AREG: variants seen among roughly 807,000 people sequenced by gnomAD.
The protein encoded by AREG is amphiregulin B.
Under a neutral mutation model 28.0 loss-of-function variants are expected in AREG, and 16 were observed. The observed-to-expected ratio is 0.57, with a 90% CI of 0.39 to 0.87. The LOEUF (loss-of-function observed/expected upper bound fraction) is 0.87. Among genes scored for constraint, AREG ranks in the 40% least tolerant of loss-of-function variants. The pLI, the probability that AREG is intolerant of heterozygous loss-of-function variation, is 0.00. For missense variants in AREG, 287 were observed against 309.1 expected, an observed-to-expected ratio of 0.93 and a Z score of 0.53; for synonymous variants, 113 against 113.5, an observed-to-expected ratio of 1.00 and a Z score of 0.02.
Position 74,446,529 on chromosome 4 carries a change from T to C in AREG, c.62-5T>C. ...TCTTTTCTTCCTTTATTCCCTCCCC[T>C]GCAGGCCATTATGCTGCTGGATTGG... On this transcript the variant is annotated splice_polypyrimidine_tract_variant and splice_region_variant and intron_variant, in intron 1 of 5. Transcript: ENST00000395748. 1 of 1,613,974 alleles carries C rather than the reference T, an allele frequency of 6.2e-7. No homozygotes were observed. The highest frequency in any genetic ancestry group is 8.5e-7 in the Non-Finnish European group (1 of 1,179,858).
At chr4:74,453,294 G>A (rs1719409492) in intron 5 of AREG, among the ~76,000 whole-genome samples, 1 of 152,180 alleles carries the variant, frequency 6.6e-6, no homozygotes, top group Non-Finnish European at 1.5e-5. Context: ...CAGACAATAG[G>A]TTGAATGCTC....
chr4:74,449,024 T>A, intron 2 of AREG, 23 bp from the exon 3 acceptor site: 1 of 1,606,442 alleles, frequency 6.2e-7, no homozygotes, highest in Non-Finnish European at 8.5e-7. Context: ...GAGACTCTTG[T>A]CAATAAATCT....
intron 4 of AREG, among the ~76,000 whole-genome samples, chr4:74,451,026 G>T (rs1249848066): frequency 3.3e-5 from 5 of 152,082 alleles, no homozygotes; most frequent in Non-Finnish European, 7.4e-5. Context: ...TTCTGAGTTA[G>T]GAATATTATA....
chr4:74,451,319 T>C (rs3775493), intron 4 of AREG, among the ~76,000 whole-genome samples: 52,831 of 151,882 alleles, frequency 0.35, 9,956 homozygotes, highest in Non-Finnish European at 0.42. Flanking sequence ...ATAAGGGAAG[T>C]TGGGGGAGGA....
rs373527160 is a variant in AREG at position 74,446,711 on chromosome 4, A to T, written c.239A>T (p.Asp80Val). 3.6e-4 allele frequency: 573 copies of T among 1,613,962 alleles called. 4 individuals carry two copies. In the African/African-American group the frequency reaches 7.0e-3, roughly 20 times the overall value. The stretch of plus-strand genomic sequence containing the variant: ...AGTAGTGAACCGTCCTCGGGAGCCG[A>T]CTATGACTACTCAGAAGAGTATGAT... ...PSSSEPSSGADYDYSEEYDNE... is the reference protein window; with the variant it reads ...PSSSEPSSGAVYDYSEEYDNE... The change falls in exon 2 of 6, where the codon GAC becomes GTC. Residue 80 changes from aspartate (D) to valine (V), a missense_variant. Coordinates refer to ENST00000395748, the MANE Select transcript of AREG (RefSeq NM_001657.4).
intron 1 of AREG, among the ~76,000 whole-genome samples, chr4:74,445,977 A>G (rs1719275676): frequency 6.6e-6 from 1 of 152,254 alleles, no homozygotes; most frequent in Non-Finnish European, 1.5e-5. Flanking sequence ...ATGAAAAATG[A>G]CAATAATAAT....
intron 1 of AREG, among the ~76,000 whole-genome samples, chr4:74,446,105 A>T (rs1719281981): frequency 6.6e-6 from 1 of 152,242 alleles, no homozygotes; most frequent in African/African-American, 2.4e-5. Context: ...ATCTTTTAAA[A>T]ATATGAACAC....
chr4:74,447,699 T>A (rs1174586786), intron 2 of AREG, among the ~76,000 whole-genome samples: 3 of 152,060 alleles, frequency 2.0e-5, no homozygotes, highest in Non-Finnish European at 4.4e-5. Flanking sequence ...CTGACTTGAG[T>A]TTCCCTGGCT....
At chr4:74,454,625 T>C in intron 5 of AREG, 134 bp from the exon 6 acceptor site, 1 of 522,784 alleles carries the variant, frequency 1.9e-6, no homozygotes. Context: ...TCTCAAACGA[T>C]GTACTAGAAA....
chr4:74,452,649 A>G lies in AREG; in HGVS notation c.*12A>G. On this transcript the variant is annotated 3_prime_UTR_variant, in exon 5 of 6. Transcript: ENST00000395748. ...ATGCTATAGCATAACTGAAGATAAA[A>G]TTACAGGTTTGAGTTTTAAAATATA... The G allele has an allele frequency of 3.1e-6, 5 of 1,612,554 alleles. No homozygotes were observed. The highest frequency in any genetic ancestry group is 3.4e-6 in the Non-Finnish European group (4 of 1,179,318).
At chr4:74,446,056 A>G (rs1349350910) in intron 1 of AREG, among the ~76,000 whole-genome samples, 1 of 88,192 alleles carries the variant, frequency 1.1e-5, no homozygotes, top group Non-Finnish European at 2.2e-5. Context: ...TAAAAATATG[A>G]ACACATCTTT....
At chr4:74,449,007 A>G in intron 2 of AREG, 40 bp from the exon 3 acceptor site, 1 of 1,601,036 alleles carries the variant, frequency 6.2e-7, no homozygotes. Flanking sequence ...ATTATATTCA[A>G]GTTTGAGAGA....
At chr4:74,445,503 T>G (rs560601467) in intron 1 of AREG, 97 bp downstream of exon 1, 18,569 of 1,542,996 alleles carry the variant, frequency 0.012, 141 homozygotes, top group Non-Finnish European at 0.013. Flanking sequence ...CGCCCTTTAG[T>G]TCCCCCGACC....
intron 5 of AREG, among the ~76,000 whole-genome samples, chr4:74,453,547 T>C (rs893270547): frequency 2.6e-5 from 4 of 152,142 alleles, no homozygotes; most frequent in African/African-American, 9.7e-5. Flanking sequence ...GGAACTTTAT[T>C]TCCTTAAACA....
Position 74,450,386 on chromosome 4 carries a change from G to T in AREG, c.519G>T (p.Gln173His), listed in dbSNP as rs1719362268. The T allele has an allele frequency of 6.2e-7, 1 of 1,613,810 alleles. No homozygotes were observed. Among genetic ancestry groups the T allele is most frequent in the Non-Finnish European group, 8.5e-7 (1 of 1,179,854 alleles). ...EHLEAVTCKC[Q>H]QEYFGERCGE... is the part of the protein sequence containing the mutation. ...AAATGTGAATTGCTTGCAGATGTCA[G>T]CAAGAATATTTCGGTGAACGGTGTG... Residue 173 changes from glutamine (Q) to histidine (H), a missense_variant, in exon 4 of 6, where the codon CAG becomes CAT. Transcript: ENST00000395748.
At position 74,446,521 on chromosome 4, in the gene AREG, C is replaced by G; in HGVS notation, c.62-13C>G. 6.2e-7 allele frequency: 1 copy of G among 1,613,940 alleles called. No individual in the cohort carries two copies. The highest frequency in any genetic ancestry group is 1.1e-5 in the South Asian group (1 of 91,074). On this transcript the variant is annotated splice_polypyrimidine_tract_variant and intron_variant, in intron 1 of 5. Coordinates refer to ENST00000395748, the MANE Select transcript of AREG (RefSeq NM_001657.4). ...TTACCTTTTCTTTTCTTCCTTTATT[C>G]CCTCCCCTGCAGGCCATTATGCTGC...
rs1219113338 is a variant in AREG at position 74,452,591 on chromosome 4, G to A, written c.713G>A (p.Arg238Gln). 11 of 1,613,414 alleles carry A rather than the reference G, an allele frequency of 6.8e-6. No individual in the cohort carries two copies. Among genetic ancestry groups the A allele is most frequent in the African/African-American group, 5.3e-5 (4 of 74,900 alleles). The change falls in exon 5 of 6, where the codon CGA becomes CAA. Residue 238 changes from arginine to glutamine, a missense_variant. Arg to Gln is a conservative substitution (Grantham distance 43). Transcript: ENST00000395748. ...VRKYEGEAEE[R>Q]KKLRQENGNV... is the part of the protein sequence containing the mutation. ...AAATATGAAGGAGAAGCTGAGGAAC[G>A]AAAGAAACTTCGACAAGAGAATGGA...
In AREG at chr4:74,445,390, C is replaced by G; in HGVS notation, c.45C>G (p.Leu15=). The G allele has an allele frequency of 6.2e-7, 1 of 1,610,572 alleles. No individual in the cohort carries two copies. The highest frequency in any genetic ancestry group is 8.5e-7 in the Non-Finnish European group (1 of 1,179,108). The part of the protein sequence containing the change: ...LLPPAPVVLS[L]LILGSGHYAA... ...CGCCGGCGCCGGTGGTGCTGTCGCT[C>G]TTGATACTCGGCTCAGGTGAGGATT... is the stretch of plus-strand genomic sequence containing the variant. Residue 15 remains leucine (L), a synonymous_variant, in exon 1 of 6, where the codon CTC becomes CTG. Coordinates refer to ENST00000395748, the MANE Select transcript of AREG (RefSeq NM_001657.4).
intron 3 of AREG, among the ~76,000 whole-genome samples, chr4:74,449,635 C>T (rs1719348096): frequency 6.6e-6 from 1 of 152,136 alleles, no homozygotes; most frequent in East Asian, 1.9e-4. Flanking sequence ...CCTGTAGTCC[C>T]AGCAGTCTGG....
Sources: gnomAD v4.1 joint callset for allele counts (sites outside exome capture counted in the v4.1 genomes callset) on GRCh38, gnomAD v4.1.1 for gene constraint, MANE v1.5 for transcripts, NCBI Gene and HGNC (gene_info 2026-07-23, HGNC 2026-07-21) for gene names.